Variants in KHDRBS2 observed in about 807,000 individuals in gnomAD.
KHDRBS2 encodes KH domain-containing, RNA-binding, signal transduction-associated protein 2.
A neutral mutation model predicts 44.3 loss-of-function variants in KHDRBS2; 26 were observed. The observed-to-expected ratio is 0.59, with a 90% confidence interval of 0.43 to 0.81. The LOEUF (loss-of-function observed/expected upper bound fraction) is 0.81, where lower values mean the gene tolerates loss of function less well. KHDRBS2 is among the 40% of genes least tolerant of loss of function. KHDRBS2 has a pLI of 0.00. For synonymous variants in KHDRBS2, 194 were observed against 151.1 expected, an observed-to-expected ratio of 1.28 and a Z score of -2.08; for missense variants, 476 against 433.1, an observed-to-expected ratio of 1.10 and a Z score of -0.88.
At chr6:61,977,269 T>G (rs540257970) in intron 4 of KHDRBS2, among the ~76,000 whole-genome samples, 94 of 152,266 alleles carry the variant, frequency 6.2e-4, no homozygotes, top group African/African-American at 1.8e-3. Context: ...AAAACTGTAC[T>G]CAGCATTCTC....
At chr6:62,276,783 A>T (rs1212068670) in intron 1 of KHDRBS2, among the ~76,000 whole-genome samples, 1 of 152,188 alleles carries the variant, frequency 6.6e-6, no homozygotes, top group East Asian at 1.9e-4. Context: ...TGTGCATACT[A>T]ATAGCTGACA....
chr6:61,568,095 G>T, the KHDRBS2 span, among the ~76,000 whole-genome samples: 1 of 152,054 alleles, frequency 6.6e-6, no homozygotes, highest in African/African-American at 2.4e-5. Context: ...ATTGAATAAA[G>T]TGTCCTCTCT....
chr6:61,559,067 CTAA>C, the KHDRBS2 span, among the ~76,000 whole-genome samples: 4 of 151,982 alleles, frequency 2.6e-5, no homozygotes, highest in Non-Finnish European at 4.4e-5. Context: ...CTCACTAGCT[CTAA>C]TATTTGTTTT....
At chr6:62,111,886 C>T (rs1410264412) in intron 2 of KHDRBS2, among the ~76,000 whole-genome samples, 4 of 151,884 alleles carry the variant, frequency 2.6e-5, no homozygotes, top group Admixed American at 6.6e-5. Context: ...TGTCTTTATA[C>T]AAGACAAGAA....
the KHDRBS2 span, among the ~76,000 whole-genome samples, chr6:61,573,667 C>T: frequency 1.3e-5 from 2 of 151,802 alleles, no homozygotes; most frequent in East Asian, 3.9e-4. Context: ...TGCATGCCTG[C>T]AATCCCAGCT....
intron 6 of KHDRBS2, among the ~76,000 whole-genome samples, chr6:61,795,164 A>G (rs903963874): frequency 7.9e-5 from 12 of 151,600 alleles, no homozygotes; most frequent in African/African-American, 1.9e-4. Flanking sequence ...AAAAAAAAAA[A>G]AAAAAAGAAA....
At chr6:62,085,579 T>A (rs1202425740) in intron 2 of KHDRBS2, among the ~76,000 whole-genome samples, 1 of 152,088 alleles carries the variant, frequency 6.6e-6, no homozygotes, top group African/African-American at 2.4e-5. Context: ...AATGTATAAA[T>A]GACGTGTTAT....
chr6:62,034,788 G>GA (rs887254825), intron 3 of KHDRBS2, among the ~76,000 whole-genome samples: 12 of 149,910 alleles, frequency 8.0e-5, no homozygotes, highest in Admixed American at 3.3e-4. Context: ...AGTACTGCAG[G>GA]AAAAAAAATC....
chr6:61,548,968 A>C, the KHDRBS2 span, among the ~76,000 whole-genome samples: 1 of 152,134 alleles, frequency 6.6e-6, no homozygotes, highest in Non-Finnish European at 1.5e-5. Context: ...AAACACTTGG[A>C]ATGGGGTCTT....
chr6:62,139,800 C>T (rs187917194), intron 2 of KHDRBS2, among the ~76,000 whole-genome samples: 60 of 152,218 alleles, frequency 3.9e-4, no homozygotes, highest in African/African-American at 1.4e-3. Context: ...TATTAATTGA[C>T]AATCACGTAA....
chr6:62,035,608 A>C (rs1785145397), intron 3 of KHDRBS2, among the ~76,000 whole-genome samples: 1 of 152,048 alleles, frequency 6.6e-6, no homozygotes, highest in Non-Finnish European at 1.5e-5. Flanking sequence ...ATAGTCAATA[A>C]TAAACTAATT....
intron 3 of KHDRBS2, among the ~76,000 whole-genome samples, chr6:61,996,801 C>A (rs1251470204): frequency 6.7e-6 from 1 of 149,978 alleles, no homozygotes; most frequent in African/African-American, 2.5e-5. Flanking sequence ...CTCACCCCCC[C>A]GAGATAGAGT....
chr6:61,920,991 A>G (rs1229416383), intron 4 of KHDRBS2, among the ~76,000 whole-genome samples: 2 of 152,034 alleles, frequency 1.3e-5, no homozygotes, highest in African/African-American at 2.4e-5. Flanking sequence ...GGTGGATTAC[A>G]TATTTCAAAA....
intron 7 of KHDRBS2, among the ~76,000 whole-genome samples, chr6:61,731,520 A>T (rs1428423558): frequency 6.6e-6 from 1 of 152,010 alleles, no homozygotes; most frequent in Admixed American, 6.6e-5. Context: ...CTGTGCTGTC[A>T]CTCAGGCCAC....
At chr6:62,072,677 C>T (rs1330137947) in intron 2 of KHDRBS2, among the ~76,000 whole-genome samples, 5 of 152,252 alleles carry the variant, frequency 3.3e-5, no homozygotes, top group Middle Eastern at 3.4e-3. Flanking sequence ...AGACTTGCAT[C>T]CCAGGGATGA....
intron 6 of KHDRBS2, among the ~76,000 whole-genome samples, chr6:61,864,971 C>T (rs1488834661): frequency 6.6e-6 from 1 of 152,046 alleles, no homozygotes; most frequent in African/African-American, 2.4e-5. Flanking sequence ...TTGTTCATTC[C>T]TTTTCATTCT....
chr6:61,720,845 T>C (rs1405460639), intron 7 of KHDRBS2, among the ~76,000 whole-genome samples: 6 of 151,412 alleles, frequency 4.0e-5, no homozygotes, highest in East Asian at 3.9e-4. Context: ...AGACATGAAG[T>C]CCTTGCCCAT....
rs941037237 is a variant in KHDRBS2, at chr6:62,063,995, C to A, written c.220-16001G>T. Among the ~76,000 whole-genome samples, 6 of 148,834 alleles carry A rather than the reference C, an allele frequency of 4.0e-5. No individual in the cohort carries two copies. In the Admixed American group the frequency reaches 4.1e-4, roughly 10 times the overall value. On this transcript the variant is annotated intron_variant, in intron 2 of 8. Coordinates refer to ENST00000281156, the MANE Select transcript of KHDRBS2 (RefSeq NM_152688.4). ...TTCTTATACACCAACAACAGACAAA[C>A]AGAGACCCAAATCATGAGTGAACTC...
chr6:61,872,578 A>G (rs1798815022), intron 6 of KHDRBS2, among the ~76,000 whole-genome samples: 1 of 152,148 alleles, frequency 6.6e-6, no homozygotes, highest in Non-Finnish European at 1.5e-5. Context: ...ATGTAGAAAT[A>G]TATTAAACTT....
Sources: allele counts gnomAD v4.1 joint callset (sites outside exome capture counted in the v4.1 genomes callset), GRCh38; gene constraint gnomAD v4.1.1; transcripts MANE v1.5; gene names NCBI Gene and HGNC (gene_info 2026-07-23, HGNC 2026-07-21).